Variants in SGMS2 observed in about 807,000 individuals in gnomAD.
SGMS2 encodes phosphatidylcholine:ceramide cholinephosphotransferase 2.
A neutral mutation model predicts 43.8 loss-of-function variants in SGMS2; 21 were observed. The ratio of observed to expected loss-of-function variants is 0.48; its 90% CI spans 0.34 to 0.69. The LOEUF (loss-of-function observed/expected upper bound fraction) is 0.69, where lower values mean the gene tolerates loss of function less well. Ranked by LOEUF, SGMS2 falls within the 30% of genes least tolerant of loss-of-function variation. SGMS2 has a pLI of 0.01. For synonymous variants in SGMS2, 167 were observed against 160.6 expected, an observed-to-expected ratio of 1.04 and a Z score of -0.30; for missense variants, 384 against 443.2, an observed-to-expected ratio of 0.87 and a Z score of 1.20.
At chr4:107,873,720 G>A (rs928393228) in intron 2 of SGMS2, among the ~76,000 whole-genome samples, 1 of 151,998 alleles carries the variant, frequency 6.6e-6, no homozygotes, top group Non-Finnish European at 1.5e-5. Context: ...TGCCACAGTC[G>A]AAATATTTCA....
At chr4:107,833,167 C>T (rs1246112140) in intron 1 of SGMS2, among the ~76,000 whole-genome samples, 1 of 152,232 alleles carries the variant, frequency 6.6e-6, no homozygotes, top group Non-Finnish European at 1.5e-5. Context: ...ACTCAGCACA[C>T]TCAGCTGAGC....
intron 1 of SGMS2, among the ~76,000 whole-genome samples, chr4:107,847,276 G>A (rs1412641143): frequency 3.9e-5 from 6 of 152,226 alleles, no homozygotes; most frequent in Non-Finnish European, 7.3e-5. Flanking sequence ...AATCCATCTC[G>A]AATTGATTTT....
chr4:107,836,829 C>G (rs1161193063), intron 1 of SGMS2, among the ~76,000 whole-genome samples: 1 of 152,096 alleles, frequency 6.6e-6, no homozygotes, highest in Non-Finnish European at 1.5e-5. Flanking sequence ...TAAGAAGACC[C>G]AGGCATAGTA....
intron 2 of SGMS2, among the ~76,000 whole-genome samples, chr4:107,859,909 A>G (rs1727631691): frequency 6.6e-6 from 1 of 152,176 alleles, no homozygotes; most frequent in Non-Finnish European, 1.5e-5. Flanking sequence ...AATAAACCAA[A>G]AAAAGGTGCT....
chr4:107,866,713 A>G (rs1214721859), intron 2 of SGMS2, among the ~76,000 whole-genome samples: 2 of 152,116 alleles, frequency 1.3e-5, no homozygotes, highest in Admixed American at 1.3e-4. Context: ...ACCTTACCCT[A>G]TTTCTTTTCT....
At position 107,911,410 on chromosome 4, in the gene SGMS2, C is replaced by T. The variant is rs1356199933; in HGVS notation, c.*857C>T. On this transcript the variant is annotated 3_prime_UTR_variant, in exon 7 of 7. Transcript: ENST00000690982. ...ACTCTTCTAGCACAGGCTGAAAACACGTGTGTGTCAACTGAGGTTCACACC... is the reference window on the plus strand; with the variant it reads ...ACTCTTCTAGCACAGGCTGAAAACATGTGTGTGTCAACTGAGGTTCACACC... 3 of 152,338 alleles carry T rather than the reference C, an allele frequency of 2.0e-5. No individual in the cohort carries two copies. Among genetic ancestry groups the T allele is most frequent in the East Asian group, 3.9e-4 (2 of 5,188 alleles). The allele number at this position is 152,338 out of a possible 1,614,324, so 9.4% of individuals were successfully genotyped here.
intron 1 of SGMS2, among the ~76,000 whole-genome samples, chr4:107,844,589 T>C (rs1418676677): frequency 6.6e-6 from 1 of 152,040 alleles, no homozygotes; most frequent in Non-Finnish European, 1.5e-5. Flanking sequence ...TGGTCCCAGC[T>C]ACTCTACTGG....
At chr4:107,866,635 A>G (rs1728147377) in intron 2 of SGMS2, among the ~76,000 whole-genome samples, 1 of 151,906 alleles carries the variant, frequency 6.6e-6, no homozygotes, top group African/African-American at 2.4e-5. Flanking sequence ...ATATGATGGG[A>G]CCAATCTCAC....
chr4:107,869,148 GGA>G (rs1728362451), intron 2 of SGMS2, among the ~76,000 whole-genome samples: 1 of 152,174 alleles, frequency 6.6e-6, no homozygotes, highest in Admixed American at 6.6e-5. Context: ...AGGGAATTTA[GGA>G]GAGAGGGGAC....
intron 2 of SGMS2, among the ~76,000 whole-genome samples, chr4:107,871,042 T>G (rs1728525017): frequency 6.6e-6 from 1 of 152,212 alleles, no homozygotes; most frequent in African/African-American, 2.4e-5. Flanking sequence ...ACAGCGATTT[T>G]AATCATCCTG....
chr4:107,883,542 C>T (rs749507085), intron 2 of SGMS2, among the ~76,000 whole-genome samples: 2 of 152,172 alleles, frequency 1.3e-5, no homozygotes, highest in Non-Finnish European at 2.9e-5. Flanking sequence ...TCTCAAACTA[C>T]TGACTTCAGG....
At chr4:107,865,578 C>CT (rs1309267248) in intron 2 of SGMS2, among the ~76,000 whole-genome samples, 2 of 152,144 alleles carry the variant, frequency 1.3e-5, no homozygotes, top group Non-Finnish European at 2.9e-5. Context: ...AAGCAGAATA[C>CT]TTTTTTATAT....
At chr4:107,845,058 A>G (rs1046394932) in intron 1 of SGMS2, among the ~76,000 whole-genome samples, 2 of 152,320 alleles carry the variant, frequency 1.3e-5, no homozygotes, top group African/African-American at 4.8e-5. Flanking sequence ...CATACATGCA[A>G]GAGCAGTTTT....
intron 1 of SGMS2, among the ~76,000 whole-genome samples, chr4:107,830,148 G>A (rs1321318978): frequency 1.3e-5 from 2 of 152,118 alleles, no homozygotes; most frequent in African/African-American, 4.8e-5. Flanking sequence ...TTCTGTTCCT[G>A]TGTTAATTCA....
At position 107,893,691 on chromosome 4, in the gene SGMS2, T is replaced by C. The variant is rs183786744; in HGVS notation, c.-244-1619T>C. The C allele has an allele frequency of 2.0e-5, 3 of 152,350 alleles. No individual in the cohort carries two copies. In the East Asian group the frequency reaches 5.8e-4, roughly 29 times the overall value. 9.4% of individuals were successfully genotyped at this position (152,350 alleles called of 1,614,324 possible). ...GTTTATAATTCTCAGTAGTACCTTT[T>C]AGCTAGTCTCATGCTCCCTTATCCC... On this transcript the variant is annotated intron_variant, in intron 2 of 6. Transcript: ENST00000690982.
At chr4:107,865,678 T>G (rs1728061068) in intron 2 of SGMS2, among the ~76,000 whole-genome samples, 1 of 152,212 alleles carries the variant, frequency 6.6e-6, no homozygotes, top group African/African-American at 2.4e-5. Context: ...ATATGACCTT[T>G]CAGCTACAAC....
intron 2 of SGMS2, among the ~76,000 whole-genome samples, chr4:107,892,004 AAAG>A (rs1730258390): frequency 1.3e-5 from 2 of 152,018 alleles, no homozygotes; most frequent in African/African-American, 4.8e-5. Context: ...TCATTAGACA[AAAG>A]AAGTTTCTCG....
At chr4:107,900,143 G>A (rs1244824220) in intron 4 of SGMS2, among the ~76,000 whole-genome samples, 1 of 152,110 alleles carries the variant, frequency 6.6e-6, no homozygotes, top group African/African-American at 2.4e-5. Flanking sequence ...CAGCAAAGCT[G>A]AGTAAGGTGA....
At chr4:107,849,550 A>G (rs1276704941) in intron 1 of SGMS2, among the ~76,000 whole-genome samples, 2 of 152,202 alleles carry the variant, frequency 1.3e-5, no homozygotes, top group East Asian at 3.8e-4. Context: ...GATAATACTT[A>G]CTATGTACTA....
Sources: gnomAD v4.1 joint callset for allele counts (sites outside exome capture counted in the v4.1 genomes callset) on GRCh38, gnomAD v4.1.1 for gene constraint, MANE v1.5 for transcripts, NCBI Gene and HGNC (gene_info 2026-07-23, HGNC 2026-07-21) for gene names.